KIF13B: variants seen among roughly 807,000 people sequenced by gnomAD.
KIF13B encodes the protein kinesin-like protein KIF13B.
A neutral mutation model predicts 222.0 loss-of-function variants in KIF13B; 127 were observed. That is an observed-to-expected ratio of 0.57 (90% CI 0.50 to 0.66). The LOEUF (loss-of-function observed/expected upper bound fraction) is 0.66. Ranked by LOEUF, KIF13B falls within the 30% of genes least tolerant of loss-of-function variation. The pLI is 0.00. For missense variants in KIF13B, 2,173 were observed against 2,379.0 expected (o/e 0.91, Z 1.80); for synonymous variants, 976 against 919.0 (o/e 1.06, Z -1.12).
At chr8:29,249,880 G>A in intron 1 of KIF13B, 1 of 457,612 alleles carries the variant, frequency 2.2e-6, no homozygotes, top group Non-Finnish European at 3.9e-6. Flanking sequence ...TGGCATTAAA[G>A]TCTATTTCTG....
chr8:29,165,810 G>T (rs1334044711), intron 11 of KIF13B, 38 bp from the exon 12 acceptor site: 1 of 1,448,234 alleles, frequency 6.9e-7, no homozygotes, highest in African/African-American at 1.4e-5. Flanking sequence ...ATGTCTAGAA[G>T]ATGCCCTGGA....
chr8:29,109,939 C>A lies in KIF13B; in HGVS notation c.4062G>T (p.Leu1354=). Reference sequence around the variant, plus strand: ...TAACCTGGCGCAGACGATCTAAAGTCAGGAGGTTTTCTACAGCCAGCACGC... The same window carrying A: ...TAACCTGGCGCAGACGATCTAAAGTAAGGAGGTTTTCTACAGCCAGCACGC... The part of the protein sequence containing the change: ...LRSVLAVENL[L]TLDRLRQEVA... Residue 1354 remains leucine (L), a synonymous_variant, in exon 33 of 40, where the codon CTG becomes CTT. Coordinates refer to ENST00000524189, the MANE Select transcript of KIF13B (RefSeq NM_015254.4). 6.2e-7 allele frequency: 1 copy of A among 1,613,662 alleles called. No individual in the cohort carries two copies. Among genetic ancestry groups the A allele is most frequent in the Non-Finnish European group, 8.5e-7 (1 of 1,179,804 alleles).
At position 29,188,609 on chromosome 8, in the gene KIF13B, TGAGA is replaced by T. The variant is rs760583856; in HGVS notation, c.224-6_224-3del. The T allele has an allele frequency of 1.8e-5, 29 of 1,584,882 alleles. No individual in the cohort carries two copies. The South Asian group carries it at 3.1e-4, about 17-fold the overall frequency. On this transcript the variant is annotated splice_region_variant and splice_polypyrimidine_tract_variant and intron_variant, in intron 4 of 39. Transcript: ENST00000524189. ...GGCACTTGAAAACAATATCTTGACC[TGAGA>T]GAGAGAGAATAAGAGAAAAGATATT...
chr8:29,232,342 T>C (rs1035043209), intron 2 of KIF13B, among the ~76,000 whole-genome samples: 3 of 148,820 alleles, frequency 2.0e-5, no homozygotes, highest in African/African-American at 7.4e-5. Flanking sequence ...GAAACCAAGA[T>C]GGGAGGATCA....
In KIF13B at chr8:29,251,142, C is replaced by A. The variant is rs184530322; in HGVS notation, c.56-5703G>T. On this transcript the variant is annotated intron_variant, in intron 1 of 39. Transcript: ENST00000524189. The stretch of plus-strand genomic sequence containing the variant: ...CTCCAGCCTGGGCAACGAGGGGAGA[C>A]CCTGTCTGGAAGAAAAAAAAAGGCA... Among the ~76,000 whole-genome samples the A allele has an allele frequency of 1.9e-3, 290 of 151,974 alleles. 1 individual carries two copies. The highest frequency in any genetic ancestry group is 5.9e-3 in the African/African-American group (245 of 41,430).
At chr8:29,175,410 G>C (rs1331923086) in intron 10 of KIF13B, among the ~76,000 whole-genome samples, 2 of 151,988 alleles carry the variant, frequency 1.3e-5, no homozygotes, top group Admixed American at 6.5e-5. Flanking sequence ...GAGCCAGAGA[G>C]GGCAAGAAGC....
At chr8:29,146,306 A>C in intron 18 of KIF13B, 72 bp downstream of exon 18, 1 of 1,516,210 alleles carries the variant, frequency 6.6e-7, no homozygotes. Context: ...CTGAAGCTTA[A>C]ATAACACCAG....
At chr8:29,097,225 A>T (rs914129982) in intron 36 of KIF13B, among the ~76,000 whole-genome samples, 1 of 152,224 alleles carries the variant, frequency 6.6e-6, no homozygotes, top group Non-Finnish European at 1.5e-5. Flanking sequence ...CAGAGACAAA[A>T]GGGACATTTC....
At chr8:29,072,446 GA>G in intron 38 of KIF13B, 130 bp from the exon 39 acceptor site, 1 of 507,388 alleles carries the variant, frequency 2.0e-6, no homozygotes, top group Non-Finnish European at 3.2e-6. Flanking sequence ...AGTGCTTATG[GA>G]GGGCAAGACG....
chr8:29,144,006 A>T (rs929265874), intron 18 of KIF13B, among the ~76,000 whole-genome samples: 2 of 151,560 alleles, frequency 1.3e-5, no homozygotes, highest in African/African-American at 4.8e-5. Context: ...ATGTAGAAAA[A>T]ATTTTAGAAC....
rs1243981696 is a variant in KIF13B at position 29,116,885 on chromosome 8, A to G, written c.3783T>C (p.Ala1261=). The change falls in exon 31 of 40, where the codon GCT becomes GCC. Residue 1261 remains alanine (A), a synonymous_variant. Transcript: ENST00000524189. ...VRVTVQLSHP[A]DMQLVLRKRI... ...TCTTGCGTAACACCAGTTGCATGTCAGCAGGGTGGCTGAGCTGGACCGTCA... is the reference window on the plus strand; with the variant it reads ...TCTTGCGTAACACCAGTTGCATGTCGGCAGGGTGGCTGAGCTGGACCGTCA... The G allele has an allele frequency of 6.2e-7, 1 of 1,613,672 alleles. No homozygotes were observed. Among genetic ancestry groups the G allele is most frequent in the East Asian group, 2.2e-5 (1 of 44,884 alleles).
chr8:29,191,597 T>C (rs1020562484), intron 3 of KIF13B, among the ~76,000 whole-genome samples: 1 of 152,210 alleles, frequency 6.6e-6, no homozygotes, highest in Non-Finnish European at 1.5e-5. Flanking sequence ...AGAGTATGAT[T>C]CCATATTTGT....
At chr8:29,121,638 A>C (rs1180425183) in intron 29 of KIF13B, among the ~76,000 whole-genome samples, 1 of 135,124 alleles carries the variant, frequency 7.4e-6, no homozygotes, top group Non-Finnish European at 1.6e-5. Flanking sequence ...TTCAGGACAT[A>C]GGCGTGGGCA....
chr8:29,092,344 A>G (rs2133548340), intron 37 of KIF13B, among the ~76,000 whole-genome samples: 1 of 152,356 alleles, frequency 6.6e-6, no homozygotes, highest in East Asian at 1.9e-4. Flanking sequence ...GAGAAAACAG[A>G]GGTTGAGAGG....
intron 16 of KIF13B, among the ~76,000 whole-genome samples, chr8:29,148,243 A>G (rs997442547): frequency 6.6e-6 from 1 of 152,250 alleles, no homozygotes; most frequent in African/African-American, 2.4e-5. Flanking sequence ...GATTCTATCC[A>G]TCAGATCAAA....
chr8:29,082,511 A>G (rs1006818312), intron 37 of KIF13B, among the ~76,000 whole-genome samples: 1 of 152,124 alleles, frequency 6.6e-6, no homozygotes, highest in African/African-American at 2.4e-5. Context: ...GCATGGTAGC[A>G]CACTCCTGTG....
chr8:29,209,694 A>C (rs1262179255), intron 2 of KIF13B, among the ~76,000 whole-genome samples: 7 of 152,118 alleles, frequency 4.6e-5, no homozygotes, highest in African/African-American at 1.7e-4. Context: ...ATACAACTAA[A>C]AGGTGAGCAT....
intron 29 of KIF13B, among the ~76,000 whole-genome samples, chr8:29,120,857 T>C (rs1809826808): frequency 3.5e-5 from 1 of 28,226 alleles, no homozygotes; most frequent in Admixed American, 4.3e-4. Flanking sequence ...TCCTGACTTT[T>C]TAATGATTGC....
At chr8:29,100,477 T>C (rs1269287372) in intron 35 of KIF13B, among the ~76,000 whole-genome samples, 3 of 152,174 alleles carry the variant, frequency 2.0e-5, no homozygotes, top group African/African-American at 7.2e-5. Context: ...CTCGAGGTTT[T>C]TTTTTTTTGA....
Sources: gnomAD v4.1 joint callset for allele counts (sites outside exome capture counted in the v4.1 genomes callset) on GRCh38, gnomAD v4.1.1 for gene constraint, MANE v1.5 for transcripts, NCBI Gene and HGNC (gene_info 2026-07-23, HGNC 2026-07-21) for gene names.